MIEF1: variants seen among roughly 807,000 people sequenced by gnomAD.
The protein encoded by MIEF1 is mitochondrial elongation factor 1.
A neutral mutation model predicts 35.1 loss-of-function variants in MIEF1; 14 were observed. The observed-to-expected ratio is 0.40, with a 90% CI of 0.26 to 0.62. The LOEUF (loss-of-function observed/expected upper bound fraction) is 0.62. Among genes scored for constraint, MIEF1 ranks in the 20% least tolerant of loss-of-function variants. The pLI is 0.43. For missense variants in MIEF1, 542 were observed against 615.4 expected (o/e 0.88, Z 1.26); for synonymous variants, 245 against 254.3 (o/e 0.96, Z 0.35).
upstream of MIEF1, chr22:39,501,753 G>A (rs1929714148): frequency 6.6e-6 from 1 of 152,426 alleles, no homozygotes; most frequent in Non-Finnish European, 1.5e-5. Flanking sequence ...GGGAGGCGAG[G>A]AAGGGGCTGG....
intron 2 of MIEF1, 129 bp from the exon 3 acceptor site, chr22:39,511,159 G>T: frequency 8.5e-7 from 1 of 1,176,892 alleles, no homozygotes; most frequent in Non-Finnish European, 1.2e-6. Context: ...AGCATGCAGT[G>T]CTGGAGGCAA....
At chr22:39,506,287 C>T (rs73887233) in intron 2 of MIEF1, among the ~76,000 whole-genome samples, 2,942 of 152,198 alleles carry the variant, frequency 0.019, 104 homozygotes, top group African/African-American at 0.066. Flanking sequence ...CAAATGTCCC[C>T]CAGAAGCATA....
At position 39,515,485 on chromosome 22, in the gene MIEF1, C is replaced by T. The variant is rs1274144622; in HGVS notation, c.*1162C>T. The T allele has an allele frequency of 1.1e-5, 7 of 640,766 alleles. No individual in the cohort carries two copies. The highest frequency in any genetic ancestry group is 2.0e-5 in the Non-Finnish European group (7 of 350,884). 39.7% of individuals were successfully genotyped at this position (640,766 alleles called of 1,614,324 possible). The stretch of plus-strand genomic sequence containing the variant: ...GAGCGCTCCGGGCACGGCCAGAGGG[C>T]AAGTGAGCATGCACGGACCTCTTCC... On this transcript the variant is annotated 3_prime_UTR_variant, in exon 6 of 6. Coordinates refer to ENST00000325301, the MANE Select transcript of MIEF1 (RefSeq NM_019008.6).
intron 1 of MIEF1, 138 bp from the exon 2 acceptor site, chr22:39,504,065 G>C: frequency 5.1e-6 from 2 of 394,260 alleles, no homozygotes; most frequent in Non-Finnish European, 8.9e-6. Context: ...TCTAGTTCTA[G>C]TCTTGCCATT....
rs767849879 is a variant in MIEF1 at position 39,514,080 on chromosome 22, C to G, written c.1149C>G (p.Ser383Arg). 7 of 1,614,168 alleles carry G rather than the reference C, an allele frequency of 4.3e-6. No individual in the cohort carries two copies. In the East Asian group the frequency reaches 1.3e-4, roughly 31 times the overall value. Residue 383 changes from serine (S) to arginine (R), a missense_variant, in exon 6 of 6, where the codon AGC becomes AGG. By Grantham distance (110) the Ser-to-Arg change is moderately radical. Coordinates refer to ENST00000325301, the MANE Select transcript of MIEF1 (RefSeq NM_019008.6). Reference protein sequence around the residue: ...STPALGHLTASQLTNVILHLA... With the variant: ...STPALGHLTARQLTNVILHLA... Reference sequence around the variant, plus strand: ...CGGCTCTGGGCCACCTCACTGCCAGCCAGCTAACCAATGTCATCCTCCACT... The same window carrying G: ...CGGCTCTGGGCCACCTCACTGCCAGGCAGCTAACCAATGTCATCCTCCACT...
At position 39,513,959 on chromosome 22, in the gene MIEF1, C is replaced by G; in HGVS notation, c.1028C>G (p.Pro343Arg). 6.2e-7 allele frequency: 1 copy of G among 1,613,246 alleles called. No individual in the cohort carries two copies. Among genetic ancestry groups the G allele is most frequent in the Middle Eastern group, 1.6e-4 (1 of 6,062 alleles). The change falls in exon 6 of 6, where the codon CCC becomes CGC. Residue 343 changes from proline to arginine, a missense_variant. Physicochemically the swap from Pro to Arg is moderately radical, Grantham distance 103. Transcript: ENST00000325301. The stretch of plus-strand genomic sequence containing the variant: ...AACCTGTGGCGGCTGAGCCTGCGTC[C>G]CGCGGAGACGGCACGCCTGCGGGCT... ...YDNLWRLSLR[P>R]AETARLRALD...
At chr22:39,502,615 C>T (rs1401838789) in intron 1 of MIEF1, among the ~76,000 whole-genome samples, 178 bp downstream of exon 1, 1 of 152,218 alleles carries the variant, frequency 6.6e-6, no homozygotes, top group East Asian at 1.9e-4. Flanking sequence ...TCGGCTGCCC[C>T]GCCCCGCCCC....
At chr22:39,507,251 C>G (rs1450829851) in intron 2 of MIEF1, among the ~76,000 whole-genome samples, 6 of 151,982 alleles carry the variant, frequency 3.9e-5, no homozygotes, top group Non-Finnish European at 2.9e-5. Flanking sequence ...GTAGGAAAAG[C>G]CTTTTTTTCT....
Position 39,517,371 on chromosome 22 carries a change from A to G in MIEF1, c.*3048A>G. ...TTATGACTTTTAAAGTTTTATTTAA[A>G]TAAATGTTGAAGCTCAAGTTTAAAG... On this transcript the variant is annotated 3_prime_UTR_variant, in exon 6 of 6. Transcript: ENST00000325301. 7.7e-6 allele frequency: 2 copies of G among 259,402 alleles called. No individual in the cohort carries two copies. Among genetic ancestry groups the G allele is most frequent in the South Asian group, 3.8e-5 (1 of 26,636 alleles). 16.1% of individuals were successfully genotyped at this position (259,402 alleles called of 1,614,324 possible).
intron 2 of MIEF1, among the ~76,000 whole-genome samples, chr22:39,509,916 A>G (rs958849026): frequency 1.3e-5 from 2 of 152,174 alleles, no homozygotes; most frequent in African/African-American, 4.8e-5. Flanking sequence ...AAAAAGCGTC[A>G]TACAAGGAGT....
rs531676249 is a variant in MIEF1, at chr22:39,517,355, T to C, written c.*3032T>C. 264 of 268,008 alleles carry C rather than the reference T, an allele frequency of 9.9e-4. 4 individuals are homozygous for C. The highest frequency in any genetic ancestry group is 8.9e-3 in the South Asian group (254 of 28,548). The allele number at this position is 268,008 out of a possible 1,614,324, so 16.6% of individuals were successfully genotyped here. On this transcript the variant is annotated 3_prime_UTR_variant, in exon 6 of 6. Coordinates refer to ENST00000325301, the MANE Select transcript of MIEF1 (RefSeq NM_019008.6). ...TTCTTTACATGCTTGGTTATGACTT[T>C]TAAAGTTTTATTTAAATAAATGTTG...
chr22:39,505,162 C>T (rs1929952627), intron 2 of MIEF1, among the ~76,000 whole-genome samples: 1 of 152,072 alleles, frequency 6.6e-6, no homozygotes. Flanking sequence ...CCACTGCACT[C>T]CAGCCTGGGT....
intron 2 of MIEF1, among the ~76,000 whole-genome samples, chr22:39,507,076 G>T (rs559343480): frequency 1.3e-5 from 2 of 152,152 alleles, no homozygotes; most frequent in Non-Finnish European, 2.9e-5. Flanking sequence ...AGTGGAGAGC[G>T]TGTCATGGAG....
At position 39,513,778 on chromosome 22, in the gene MIEF1, T is replaced by C; in HGVS notation, c.847T>C (p.Leu283=). 1.2e-6 allele frequency: 2 copies of C among 1,614,090 alleles called. No homozygotes were observed. The highest frequency in any genetic ancestry group is 2.2e-5 in the East Asian group (1 of 44,866). ...SINWPAIGSL[L]DYVIRPAPPP... ...CAATTGGCCAGCCATAGGGTCCCTC[T>C]TGGACTATGTGATCCGCCCGGCCCC... Residue 283 remains leucine, a synonymous_variant, in exon 6 of 6, where the codon TTG becomes CTG. Transcript: ENST00000325301.
At chr22:39,502,548 A>G (rs1386172396) in intron 1 of MIEF1, 111 bp downstream of exon 1, 1 of 152,222 alleles carries the variant, frequency 6.6e-6, no homozygotes, top group Non-Finnish European at 1.5e-5. Context: ...TCAGGATACC[A>G]GCATGCAGCC....
At chr22:39,511,260 T>C (rs747628550) in intron 2 of MIEF1, 28 bp from the exon 3 acceptor site, 3 of 1,613,050 alleles carry the variant, frequency 1.9e-6, no homozygotes, top group Non-Finnish European at 2.5e-6. Context: ...TCCCAGTACT[T>C]ATGGCCGTGT....
Position 39,514,009 on chromosome 22 carries a change from C to T in MIEF1, c.1078C>T (p.Arg360Ter), listed in dbSNP as rs1413487850. The T allele has an allele frequency of 5.6e-6, 9 of 1,613,340 alleles. No homozygotes were observed. The highest frequency in any genetic ancestry group is 2.7e-5 in the African/African-American group (2 of 74,934). The change falls in exon 6 of 6, where the codon CGA becomes TGA. Residue 360 changes from arginine to a stop codon, truncating the protein, a stop_gained. Transcript: ENST00000325301. LOFTEE classifies it high-confidence loss of function. Reference sequence around the variant, plus strand: ...TCTGGACCAGGCTGACTCGGGCTGCCGATCTCTGTGCCTCAAGATCCTCAA... The same window carrying T: ...TCTGGACCAGGCTGACTCGGGCTGCTGATCTCTGTGCCTCAAGATCCTCAA... ...RALDQADSGC[R>*]SLCLKILKAI...
At chr22:39,510,613 G>A (rs771435590) in intron 2 of MIEF1, among the ~76,000 whole-genome samples, 1 of 152,174 alleles carries the variant, frequency 6.6e-6, no homozygotes, top group Non-Finnish European at 1.5e-5. Flanking sequence ...TCCCTATGTT[G>A]AGAACCTCTG....
chr22:39,514,261 G>C lies in MIEF1; in HGVS notation c.1330G>C (p.Asp444His). 6.2e-7 allele frequency: 1 copy of C among 1,614,190 alleles called. No individual in the cohort carries two copies. The highest frequency in any genetic ancestry group is 8.5e-7 in the Non-Finnish European group (1 of 1,180,046). The stretch of plus-strand genomic sequence containing the variant: ...TGCAGAGCTCACCCCTGAAGAAATA[G>C]ACGAATTAGGATACACTCTGTATTG... ...LFAELTPEEIDELGYTLYCSL... is the reference protein window; with the variant it reads ...LFAELTPEEIHELGYTLYCSL... The change falls in exon 6 of 6, where the codon GAC (aspartate) becomes CAC (histidine). Residue 444 changes from aspartate (D) to histidine (H), a missense_variant. Asp to His is a moderately conservative substitution (Grantham distance 81). Transcript: ENST00000325301.
Sources: gnomAD v4.1 joint callset for allele counts (sites outside exome capture counted in the v4.1 genomes callset) on GRCh38, gnomAD v4.1.1 for gene constraint, MANE v1.5 for transcripts, NCBI Gene and HGNC (gene_info 2026-07-23, HGNC 2026-07-21) for gene names.